The following CPA6 variants were observed in gnomAD, a reference collection of about 807,000 sequenced individuals.
CPA6 encodes carboxypeptidase B.
CPA6 carries 58 observed loss-of-function variants against 63.3 expected under a neutral mutation model. The ratio of observed to expected loss-of-function variants is 0.92; its 90% CI spans 0.74 to 1.14. The LOEUF (loss-of-function observed/expected upper bound fraction) is 1.14, where lower values mean the gene tolerates loss of function less well. CPA6 is among the 50% of genes most tolerant of loss of function. CPA6 has a pLI of 0.00. For synonymous variants in CPA6, 185 were observed against 179.0 expected (o/e 1.03, Z -0.27); for missense variants, 565 against 526.6 (o/e 1.07, Z -0.71).
chr8:67,469,174 A>G (rs538281986), intron 8 of CPA6, among the ~76,000 whole-genome samples: 2 of 152,304 alleles, frequency 1.3e-5, no homozygotes, highest in African/African-American at 4.8e-5. Context: ...CCTATATAAT[A>G]TTTGGTCAAA....
At chr8:67,596,001 G>A (rs1226640369) in intron 2 of CPA6, among the ~76,000 whole-genome samples, 1 of 152,186 alleles carries the variant, frequency 6.6e-6, no homozygotes, top group Admixed American at 6.5e-5. Flanking sequence ...CTGTAGACTG[G>A]AGCTGTTCCT....
intron 8 of CPA6, among the ~76,000 whole-genome samples, chr8:67,476,553 C>CT (rs71554607): frequency 0.25 from 35,109 of 141,792 alleles, 4,869 homozygotes; most frequent in African/African-American, 0.39. Flanking sequence ...CTCTCTCTCT[C>CT]TTTTTTTTTT....
Position 67,483,874 on chromosome 8 carries a change from A to T in CPA6, c.748-16T>A. On this transcript the variant is annotated splice_polypyrimidine_tract_variant and intron_variant, in intron 7 of 10. Transcript: ENST00000297770. ...AAAATCGATCCTAGACATAATTAAG[A>T]AAACAGGTGCTGAGAAAAATACTTA... 6.3e-7 allele frequency: 1 copy of T among 1,597,798 alleles called. No homozygotes were observed. Among genetic ancestry groups the T allele is most frequent in the Non-Finnish European group, 8.6e-7 (1 of 1,165,200 alleles).
intron 5 of CPA6, among the ~76,000 whole-genome samples, chr8:67,508,116 G>T (rs758422470): frequency 1.1e-4 from 16 of 151,636 alleles, no homozygotes; most frequent in Non-Finnish European, 1.6e-4. Context: ...GAGCATGAGA[G>T]GGTCAAGAAT....
intron 2 of CPA6, among the ~76,000 whole-genome samples, chr8:67,528,325 G>A (rs1385693686): frequency 6.6e-6 from 1 of 152,156 alleles, no homozygotes; most frequent in East Asian, 1.9e-4. Context: ...GCTCCATTCA[G>A]AGGCTTCCAT....
chr8:67,736,481 T>C (rs1817815026), intron 1 of CPA6, among the ~76,000 whole-genome samples: 1 of 152,232 alleles, frequency 6.6e-6, no homozygotes. Flanking sequence ...ACCCAGTGGA[T>C]ACGACTTTGC....
chr8:67,484,455 G>A (rs1294551712), intron 7 of CPA6, among the ~76,000 whole-genome samples: 1 of 152,150 alleles, frequency 6.6e-6, no homozygotes, highest in Non-Finnish European at 1.5e-5. Flanking sequence ...AATTTATTTG[G>A]AAGAAGGAAT....
At chr8:67,430,764 C>G (rs1330748667) in intron 9 of CPA6, among the ~76,000 whole-genome samples, 1 of 152,134 alleles carries the variant, frequency 6.6e-6, no homozygotes, top group East Asian at 1.9e-4. Context: ...TTGGCCTATA[C>G]CTGCTAGATG....
intron 2 of CPA6, among the ~76,000 whole-genome samples, chr8:67,542,564 C>T (rs1812729094): frequency 6.6e-6 from 1 of 152,172 alleles, no homozygotes; most frequent in South Asian, 2.1e-4. Flanking sequence ...CAGGTACAAT[C>T]TGTTCTGGTA....
At chr8:67,673,935 A>G (rs1219533621) in intron 1 of CPA6, among the ~76,000 whole-genome samples, 1 of 152,106 alleles carries the variant, frequency 6.6e-6, no homozygotes, top group African/African-American at 2.4e-5. Context: ...TTTATGAGGT[A>G]AAGGTGAATG....
At chr8:67,587,506 CT>C (rs987349412) in intron 2 of CPA6, among the ~76,000 whole-genome samples, 2 of 151,422 alleles carry the variant, frequency 1.3e-5, no homozygotes, top group African/African-American at 2.4e-5. Context: ...GTAAGGTGGC[CT>C]TTTTTTTGGA....
chr8:67,467,774 G>T (rs2128958236), intron 8 of CPA6, among the ~76,000 whole-genome samples: 2 of 151,990 alleles, frequency 1.3e-5, no homozygotes, highest in Middle Eastern at 3.4e-3. Context: ...AGGCCGAGGG[G>T]GGCAAATCAC....
At chr8:67,568,672 A>G (rs894638320) in intron 2 of CPA6, among the ~76,000 whole-genome samples, 3 of 152,236 alleles carry the variant, frequency 2.0e-5, no homozygotes, top group Non-Finnish European at 4.4e-5. Flanking sequence ...ATTACGTGAC[A>G]CCATCAAGAG....
chr8:67,636,773 C>T (rs1815477895), intron 1 of CPA6, among the ~76,000 whole-genome samples: 1 of 151,564 alleles, frequency 6.6e-6, no homozygotes, highest in Non-Finnish European at 1.5e-5. Flanking sequence ...TCCCCGAGCA[C>T]AAAGAAATCC....
At chr8:67,633,541 C>T (rs1235586132) in intron 1 of CPA6, among the ~76,000 whole-genome samples, 3 of 151,984 alleles carry the variant, frequency 2.0e-5, no homozygotes, top group South Asian at 2.1e-4. Flanking sequence ...ATTAGCCGGG[C>T]GTGGTGGCGG....
chr8:67,638,437 A>C (rs576940103), intron 1 of CPA6, among the ~76,000 whole-genome samples: 1 of 151,650 alleles, frequency 6.6e-6, no homozygotes, highest in South Asian at 2.1e-4. Context: ...GATATGGTCC[A>C]AAACCTCCAA....
At chr8:67,685,030 A>G (rs926943729) in intron 1 of CPA6, among the ~76,000 whole-genome samples, 2 of 152,004 alleles carry the variant, frequency 1.3e-5, no homozygotes, top group Admixed American at 6.6e-5. Context: ...CTCTCTCCCC[A>G]TTGCAAGGCT....
At chr8:67,616,805 G>A (rs1814965595) in intron 2 of CPA6, among the ~76,000 whole-genome samples, 1 of 152,052 alleles carries the variant, frequency 6.6e-6, no homozygotes, top group African/African-American at 2.4e-5. Flanking sequence ...AAGTAAATAA[G>A]CCTATCCTAG....
chr8:67,455,241 C>T (rs1490943937), intron 8 of CPA6, among the ~76,000 whole-genome samples: 11 of 152,062 alleles, frequency 7.2e-5, no homozygotes, highest in Admixed American at 2.0e-4. Flanking sequence ...AACTGCATCA[C>T]GAAGCAGCGC....
Sources: gnomAD v4.1 joint callset for allele counts (sites outside exome capture counted in the v4.1 genomes callset) on GRCh38, gnomAD v4.1.1 for gene constraint, MANE v1.5 for transcripts, NCBI Gene and HGNC (gene_info 2026-07-23, HGNC 2026-07-21) for gene names.